The following DACH1 variants were observed in gnomAD, a reference collection of about 807,000 sequenced individuals.
DACH1 encodes the protein dachshund homolog 1.
A neutral mutation model predicts 54.2 loss-of-function variants in DACH1; 12 were observed. The observed-to-expected ratio is 0.22, with a 90% confidence interval of 0.14 to 0.36. DACH1 has a LOEUF of 0.36. Ranked by LOEUF, DACH1 falls within the 10% of genes least tolerant of loss-of-function variation. DACH1 has a pLI of 1.00. For missense variants in DACH1, 805 were observed against 929.8 expected (o/e 0.87, Z 1.75); for synonymous variants, 386 against 366.2 (o/e 1.05, Z -0.62).
chr13:71,805,227 C>T (rs1164309059), intron 1 of DACH1, among the ~76,000 whole-genome samples: 1 of 152,032 alleles, frequency 6.6e-6, no homozygotes, highest in Non-Finnish European at 1.5e-5. Context: ...CATCAAAGTA[C>T]CAGGACATGA....
intron 3 of DACH1, among the ~76,000 whole-genome samples, 157 bp downstream of exon 3, chr13:71,630,399 G>T (rs1877001199): frequency 6.6e-6 from 1 of 152,130 alleles, no homozygotes; most frequent in Non-Finnish European, 1.5e-5. Flanking sequence ...ATCATTAGTT[G>T]TTAGAGAGGC....
At chr13:71,846,429 T>C (rs552046921) in intron 1 of DACH1, 3 of 153,006 alleles carry the variant, frequency 2.0e-5, no homozygotes, top group African/African-American at 7.2e-5. Context: ...TCACTTGAGG[T>C]TGGGAGTTCG....
chr13:71,514,063 G>A (rs1880980415), intron 6 of DACH1, among the ~76,000 whole-genome samples: 2 of 151,952 alleles, frequency 1.3e-5, no homozygotes, highest in African/African-American at 4.8e-5. Context: ...TGAGATATGA[G>A]TTCTGTTATC....
intron 1 of DACH1, among the ~76,000 whole-genome samples, chr13:71,775,067 T>C (rs941464207): frequency 1.4e-5 from 2 of 148,012 alleles, no homozygotes; most frequent in African/African-American, 5.0e-5. Flanking sequence ...GGAGGATCTC[T>C]TGAGGCCAGA....
chr13:71,709,242 A>C (rs1882598228), intron 1 of DACH1, among the ~76,000 whole-genome samples: 2 of 152,096 alleles, frequency 1.3e-5, no homozygotes, highest in Middle Eastern at 3.2e-3. Context: ...GAAATATATA[A>C]AATTTTCCCT....
At chr13:71,846,616 C>A (rs1873295975) in intron 1 of DACH1, among the ~76,000 whole-genome samples, 1 of 152,186 alleles carries the variant, frequency 6.6e-6, no homozygotes, top group South Asian at 2.1e-4. Flanking sequence ...GCGACAAGGC[C>A]AGACTCTTCC....
intron 6 of DACH1, among the ~76,000 whole-genome samples, chr13:71,553,746 T>C (rs904570642): frequency 1.3e-5 from 2 of 150,378 alleles, no homozygotes; most frequent in African/African-American, 4.9e-5. Flanking sequence ...TAAAATGGAA[T>C]GAATTTACTC....
chr13:71,483,145 A>G (rs997977329), intron 7 of DACH1, among the ~76,000 whole-genome samples: 21 of 151,784 alleles, frequency 1.4e-4, no homozygotes, highest in African/African-American at 3.9e-4. Context: ...AAAATATAAT[A>G]CCATACTCTT....
intron 7 of DACH1, among the ~76,000 whole-genome samples, chr13:71,480,575 T>G (rs1877943931): frequency 6.6e-6 from 1 of 152,168 alleles, no homozygotes; most frequent in Non-Finnish European, 1.5e-5. Context: ...CAATACAAAA[T>G]GAGTTTTTGA....
At chr13:71,619,894 T>C (rs780978410) in intron 3 of DACH1, among the ~76,000 whole-genome samples, 54 of 151,920 alleles carry the variant, frequency 3.6e-4, no homozygotes, top group Admixed American at 7.2e-4. Context: ...ACATGTATTT[T>C]AATATATTCT....
chr13:71,708,272 A>C (rs1882543412), intron 1 of DACH1, among the ~76,000 whole-genome samples: 1 of 152,194 alleles, frequency 6.6e-6, no homozygotes, highest in South Asian at 2.1e-4. Flanking sequence ...TCTGGTATTA[A>C]AAGTAAGCTT....
At chr13:71,726,149 C>T (rs1883459682) in intron 1 of DACH1, among the ~76,000 whole-genome samples, 1 of 152,104 alleles carries the variant, frequency 6.6e-6, no homozygotes, top group Non-Finnish European at 1.5e-5. Flanking sequence ...AACCTCTATT[C>T]TTCTCAATGA....
Position 71,866,466 on chromosome 13 carries a change from TGCCACCGCCGCCGCC to T in DACH1, c.289_303del (p.Gly97_Gly101del), listed in dbSNP as rs1300793232. 8 of 1,282,410 alleles carry T rather than the reference TGCCACCGCCGCCGCC, an allele frequency of 6.2e-6. No homozygotes were observed. In the South Asian group the frequency reaches 8.0e-5, roughly 13 times the overall value. The allele number at this position is 1,282,410 out of a possible 1,614,324, so 79.4% of individuals were successfully genotyped here. On this transcript the variant is annotated inframe_deletion, in exon 1 of 11. Transcript: ENST00000613252. Reference sequence around the variant, plus strand: ...GCCGCCAGGTTGGGGTTGCAGTTGCTGCCACCGCCGCCGCCGCCACCGCCGCCTCCGTTGCCGCTG... The same window carrying T: ...GCCGCCAGGTTGGGGTTGCAGTTGCTGCCACCGCCGCCTCCGTTGCCGCTG...
At chr13:71,735,258 T>TATATGGGATATACAC (rs1883993861) in intron 1 of DACH1, among the ~76,000 whole-genome samples, 18 of 47,468 alleles carry the variant, frequency 3.8e-4, no homozygotes, top group African/African-American at 6.3e-4. Context: ...GGGATATACG[T>TATATGGGATATACAC]GTATATGGGA....
At chr13:71,618,060 G>A (rs1174304797) in intron 3 of DACH1, among the ~76,000 whole-genome samples, 3 of 152,046 alleles carry the variant, frequency 2.0e-5, no homozygotes, top group African/African-American at 7.2e-5. Flanking sequence ...TATCTAAAAT[G>A]CATCCTCTTT....
intron 2 of DACH1, among the ~76,000 whole-genome samples, chr13:71,666,407 T>C (rs1016060452): frequency 6.6e-6 from 1 of 152,190 alleles, no homozygotes; most frequent in African/African-American, 2.4e-5. Context: ...ATCTGCAATA[T>C]GGCCATGGCT....
intron 1 of DACH1, among the ~76,000 whole-genome samples, chr13:71,783,330 A>G (rs1051714764): frequency 6.6e-6 from 1 of 152,206 alleles, no homozygotes; most frequent in Non-Finnish European, 1.5e-5. Context: ...ACATAAACTT[A>G]TAACTAAAGT....
intron 2 of DACH1, among the ~76,000 whole-genome samples, chr13:71,662,669 G>A (rs1288493586): frequency 6.6e-6 from 1 of 151,874 alleles, no homozygotes; most frequent in Non-Finnish European, 1.5e-5. Context: ...CACATTATAT[G>A]CTTTGTAATA....
intron 1 of DACH1, among the ~76,000 whole-genome samples, chr13:71,774,427 G>T (rs1213381498): frequency 6.6e-6 from 1 of 152,112 alleles, no homozygotes; most frequent in African/African-American, 2.4e-5. Context: ...TTCATCTGCA[G>T]CCTTGTGAGA....
Sources: gnomAD v4.1 joint callset for allele counts (sites outside exome capture counted in the v4.1 genomes callset) on GRCh38, gnomAD v4.1.1 for gene constraint, MANE v1.5 for transcripts, NCBI Gene and HGNC (gene_info 2026-07-23, HGNC 2026-07-21) for gene names.